PYGB: variants seen among roughly 807,000 people sequenced by gnomAD.
PYGB encodes the protein glycogen phosphorylase, brain form.
PYGB carries 82 observed loss-of-function variants against 94.3 expected under a neutral mutation model. That is an observed-to-expected ratio of 0.87 (90% confidence interval 0.73 to 1.04). The LOEUF (loss-of-function observed/expected upper bound fraction) is 1.04. Among genes scored for constraint, PYGB ranks in the 50% least tolerant of loss-of-function variants. PYGB has a pLI of 0.00. For missense variants in PYGB, 1,132 were observed against 1,158.2 expected (o/e 0.98, Z 0.33); for synonymous variants, 488 against 479.1 (o/e 1.02, Z -0.24).
At chr20:25,259,031 G>A (rs6115109) in intron 1 of PYGB, among the ~76,000 whole-genome samples, 59,449 of 152,112 alleles carry the variant, frequency 0.39, 13,048 homozygotes, top group East Asian at 0.92. Flanking sequence ...AGAGAAGGCC[G>A]TGTTGAGGAG....
Position 25,294,167 on chromosome 20 carries a change from C to T in PYGB, c.2187C>T (p.Ala729=). ...VEALDRKGYN[A]REYYDHLPEL... is the part of the protein sequence containing the mutation. Reference sequence around the variant, plus strand: ...GCCCATCGCCTCACAGGTACAATGCCAGGGAGTACTACGACCACCTGCCCG... The same window carrying T: ...GCCCATCGCCTCACAGGTACAATGCTAGGGAGTACTACGACCACCTGCCCG... Residue 729 remains alanine, a synonymous_variant, in exon 18 of 20, where the codon GCC becomes GCT. Coordinates refer to ENST00000216962, the MANE Select transcript of PYGB (RefSeq NM_002862.4). The T allele has an allele frequency of 6.2e-7, 1 of 1,613,726 alleles. No homozygotes were observed. The highest frequency in any genetic ancestry group is 1.1e-5 in the South Asian group (1 of 91,080).
Position 25,271,237 on chromosome 20 carries a change from G to A in PYGB, c.425-146G>A, listed in dbSNP as rs562566849. On this transcript the variant is annotated intron_variant, in intron 3 of 19. Coordinates refer to ENST00000216962, the MANE Select transcript of PYGB (RefSeq NM_002862.4). Reference sequence around the variant, plus strand: ...TGTGGCCCCAGGCTCTCATGGAGAGGCTGAGGGCTCCAGTTTTCCTCTCAG... The same window carrying A: ...TGTGGCCCCAGGCTCTCATGGAGAGACTGAGGGCTCCAGTTTTCCTCTCAG... 1.0e-4 allele frequency: 70 copies of A among 702,136 alleles called. No homozygotes were observed. The African/African-American group carries it at 1.1e-3, about 11-fold the overall frequency. 43.5% of individuals were successfully genotyped at this position (702,136 alleles called of 1,614,324 possible).
chr20:25,280,418 T>C lies in PYGB; in HGVS notation c.1239+6T>C, dbSNP rs1045913995. The C allele has an allele frequency of 6.2e-7, 1 of 1,613,630 alleles. No homozygotes were observed. The highest frequency in any genetic ancestry group is 8.5e-7 in the Non-Finnish European group (1 of 1,179,894). Reference sequence around the variant, plus strand: ...TCAACCAGCGGCACCTGGACGTGAGTGTGGGCCCAGCTGGCCGTGTAGGGT... The same window carrying C: ...TCAACCAGCGGCACCTGGACGTGAGCGTGGGCCCAGCTGGCCGTGTAGGGT... On this transcript the variant is annotated splice_donor_region_variant and intron_variant, in intron 10 of 19. Transcript: ENST00000216962.
chr20:25,275,939 A>G (rs1391455788), intron 5 of PYGB, among the ~76,000 whole-genome samples: 2 of 152,262 alleles, frequency 1.3e-5, no homozygotes, highest in East Asian at 3.8e-4. Flanking sequence ...TGCCACAGGC[A>G]CGTGTGTGCC....
At chr20:25,262,674 C>T (rs6138556) in intron 2 of PYGB, among the ~76,000 whole-genome samples, 59,533 of 149,612 alleles carry the variant, frequency 0.4, 13,383 homozygotes, top group East Asian at 0.92. Context: ...TTTGACTTGA[C>T]TGGATAAAGA....
chr20:25,295,540 C>T (rs1284776160), intron 18 of PYGB, 64 bp from the exon 19 acceptor site: 3 of 1,538,746 alleles, frequency 1.9e-6, no homozygotes, highest in African/African-American at 1.4e-5. Flanking sequence ...TGGGACTCTC[C>T]CCTCGGGACA....
chr20:25,253,836 G>GT (rs2092895297), intron 1 of PYGB, among the ~76,000 whole-genome samples: 1 of 152,082 alleles, frequency 6.6e-6, no homozygotes, highest in Admixed American at 6.6e-5. Flanking sequence ...TTTTGTCGCT[G>GT]TAAGTTCATT....
In PYGB at chr20:25,280,419, G is replaced by A; in HGVS notation, c.1239+7G>A. Reference sequence around the variant, plus strand: ...CAACCAGCGGCACCTGGACGTGAGTGTGGGCCCAGCTGGCCGTGTAGGGTG... The same window carrying A: ...CAACCAGCGGCACCTGGACGTGAGTATGGGCCCAGCTGGCCGTGTAGGGTG... On this transcript the variant is annotated splice_region_variant and intron_variant, in intron 10 of 19. Coordinates refer to ENST00000216962, the MANE Select transcript of PYGB (RefSeq NM_002862.4). The A allele has an allele frequency of 6.2e-7, 1 of 1,613,844 alleles. No individual in the cohort carries two copies. Among genetic ancestry groups the A allele is most frequent in the Non-Finnish European group, 8.5e-7 (1 of 1,179,898 alleles).
In PYGB at chr20:25,260,541, A is replaced by G. The variant is rs930154037; in HGVS notation, c.345+1203A>G. Among the ~76,000 whole-genome samples, 5 of 152,224 alleles carry G rather than the reference A, an allele frequency of 3.3e-5. No individual in the cohort carries two copies. The East Asian group carries it at 5.8e-4, about 18-fold the overall frequency. On this transcript the variant is annotated intron_variant, in intron 2 of 19. Transcript: ENST00000216962. ...GGCTGAATAGGAACAGCTCCAGTCT[A>G]CAGCTCTCAGCGTGAGTGATGCAGA... is the stretch of plus-strand genomic sequence containing the variant.
intron 17 of PYGB, 86 bp from the exon 18 acceptor site, chr20:25,294,072 G>T (rs766549630): frequency 4.5e-5 from 70 of 1,547,816 alleles, no homozygotes; most frequent in Non-Finnish European, 5.9e-5. Context: ...CTGGGGCAGG[G>T]GCTGTGCCAG....
At chr20:25,248,901 T>G (rs73904033) in intron 1 of PYGB, among the ~76,000 whole-genome samples, 3,413 of 152,274 alleles carry the variant, frequency 0.022, 120 homozygotes, top group African/African-American at 0.075. Context: ...AGACTTTTTT[T>G]TGTGTACGCT....
chr20:25,265,708 C>T (rs2088212074), intron 2 of PYGB, among the ~76,000 whole-genome samples: 1 of 151,398 alleles, frequency 6.6e-6, no homozygotes, highest in Non-Finnish European at 1.5e-5. Context: ...CATTCTCTTA[C>T]CTCAGTCTCC....
At chr20:25,251,992 C>T (rs753777223) in intron 1 of PYGB, among the ~76,000 whole-genome samples, 7 of 152,226 alleles carry the variant, frequency 4.6e-5, no homozygotes, top group Non-Finnish European at 1.0e-4. Context: ...ATCCCCACTT[C>T]TGGGATTTGT....
intron 3 of PYGB, among the ~76,000 whole-genome samples, chr20:25,270,878 C>T (rs1033093239): frequency 2.6e-5 from 4 of 152,324 alleles, no homozygotes; most frequent in African/African-American, 4.8e-5. Flanking sequence ...TTTAATGACA[C>T]GTGCTATAGC....
rs2088395205 is a variant in PYGB, at chr20:25,284,113, C to G, written c.1630C>G (p.Leu544Val). 4.3e-6 allele frequency: 7 copies of G among 1,613,828 alleles called. No individual in the cohort carries two copies. The highest frequency in any genetic ancestry group is 5.1e-6 in the Non-Finnish European group (6 of 1,179,864). ...DVAKVKQENK[L>V]KFSAFLEKEY... Reference sequence around the variant, plus strand: ...CCTTTCACCCTCCCAGGAGAACAAGCTCAAGTTCTCGGCCTTCCTGGAGAA... The same window carrying G: ...CCTTTCACCCTCCCAGGAGAACAAGGTCAAGTTCTCGGCCTTCCTGGAGAA... The change falls in exon 14 of 20, where the codon CTC (leucine) becomes GTC (valine). Residue 544 changes from leucine to valine, a missense_variant. Physicochemically the swap from Leu to Val is conservative, Grantham distance 32. Transcript: ENST00000216962.
intron 3 of PYGB, 40 bp from the exon 4 acceptor site, chr20:25,271,343 G>A (rs749462607): frequency 1.3e-5 from 20 of 1,589,786 alleles, no homozygotes; most frequent in Admixed American, 5.0e-5. Flanking sequence ...CCTTGGTGCC[G>A]TGCCTTTGAT....
intron 2 of PYGB, among the ~76,000 whole-genome samples, chr20:25,268,163 C>CCCCT: frequency 1.3e-5 from 1 of 74,384 alleles, no homozygotes; most frequent in African/African-American, 7.9e-5. Flanking sequence ...TAGCACCCGC[C>CCCCT]CCCCCCCCAT....
At chr20:25,290,733 A>C in intron 16 of PYGB, 111 bp downstream of exon 16, 1 of 1,440,100 alleles carries the variant, frequency 6.9e-7, no homozygotes, top group Non-Finnish European at 9.6e-7. Flanking sequence ...CTGGACACCC[A>C]GACCTAGCCA....
rs2088231706 is a variant in PYGB, at chr20:25,267,915, TA to T, written c.346-1209del. Among the ~76,000 whole-genome samples the T allele has an allele frequency of 2.0e-5, 3 of 152,178 alleles. No individual in the cohort carries two copies. The South Asian group carries it at 6.2e-4, about 32-fold the overall frequency. ...AAGAGTGTGCTGTAGGCACTCAATT[TA>T]AAAACAGGAAGGAACTAAACATCTT... On this transcript the variant is annotated intron_variant, in intron 2 of 19. Transcript: ENST00000216962.
Sources: allele counts gnomAD v4.1 joint callset (sites outside exome capture counted in the v4.1 genomes callset), GRCh38; gene constraint gnomAD v4.1.1; transcripts MANE v1.5; gene names NCBI Gene and HGNC (gene_info 2026-07-23, HGNC 2026-07-21).